The following CCDC141 variants were observed in gnomAD, a reference collection of about 807,000 sequenced individuals.
CCDC141 encodes the protein coiled-coil domain-containing protein 141.
Under a neutral mutation model 181.0 loss-of-function variants are expected in CCDC141, and 168 were observed. The ratio of observed to expected loss-of-function variants is 0.93; its 90% CI spans 0.82 to 1.05. CCDC141 has a LOEUF of 1.05. Among genes scored for constraint, CCDC141 ranks in the 50% least tolerant of loss-of-function variants. CCDC141 has a pLI of 0.00. For synonymous variants in CCDC141, 666 were observed against 642.3 expected (o/e 1.04, Z -0.56); for missense variants, 1,902 against 1,788.5 (o/e 1.06, Z -1.14).
intron 5 of CCDC141, among the ~76,000 whole-genome samples, chr2:178,957,934 C>G (rs570599807): frequency 2.0e-5 from 3 of 152,210 alleles, no homozygotes; most frequent in African/African-American, 7.2e-5. Flanking sequence ...CCTTACTTTG[C>G]CCAGGGTTGT....
chr2:178,916,950 T>TG lies in CCDC141; in HGVS notation c.1092+1762_1092+1763insC, dbSNP rs993602533. ...CTCTTCTTCTTCTTCTTTTTTTTTT[T>TG]AAAAAAAAGGCTTTTGCAGGAGATA... On this transcript the variant is annotated intron_variant, in intron 7 of 23. Transcript: ENST00000443758. Among the ~76,000 whole-genome samples the TG allele has an allele frequency of 4.6e-4, 69 of 150,884 alleles. 2 individuals carry two copies. Among genetic ancestry groups the TG allele is most frequent in the African/African-American group, 1.5e-3 (63 of 41,144 alleles).
At chr2:179,049,728 G>T in intron 1 of CCDC141, 112 bp downstream of exon 1, 6 of 1,145,686 alleles carry the variant, frequency 5.2e-6, no homozygotes, top group Non-Finnish European at 7.5e-6. Context: ...AGTGCTTGCT[G>T]CGTTGTCTTC....
At chr2:178,922,325 G>A (rs1052262391) in intron 6 of CCDC141, among the ~76,000 whole-genome samples, 1 of 152,194 alleles carries the variant, frequency 6.6e-6, no homozygotes, top group African/African-American at 2.4e-5. Context: ...TGCCCAAGAT[G>A]TCAACATTAG....
intron 8 of CCDC141, among the ~76,000 whole-genome samples, chr2:178,902,220 A>T (rs182883054): frequency 5.9e-5 from 9 of 152,342 alleles, no homozygotes; most frequent in Admixed American, 2.0e-4. Flanking sequence ...CCATCAAGCT[A>T]CCAATGACTT....
chr2:178,900,156 A>T (rs1162825133), intron 8 of CCDC141, among the ~76,000 whole-genome samples: 2 of 152,220 alleles, frequency 1.3e-5, no homozygotes, highest in East Asian at 3.8e-4. Context: ...CAATGTTGAC[A>T]GAAACCATAT....
chr2:179,002,814 C>G (rs2042023183), intron 2 of CCDC141: 1 of 153,234 alleles, frequency 6.5e-6, no homozygotes, highest in African/African-American at 2.4e-5. Flanking sequence ...ACTACACTCC[C>G]CAGAAAGAAG....
At chr2:179,036,539 A>G (rs1206415514) in intron 2 of CCDC141, among the ~76,000 whole-genome samples, 2 of 152,228 alleles carry the variant, frequency 1.3e-5, no homozygotes, top group African/African-American at 4.8e-5. Flanking sequence ...TGAACCAGGG[A>G]AAGAAACACT....
At chr2:178,913,677 A>G (rs1688317138) in intron 7 of CCDC141, among the ~76,000 whole-genome samples, 2 of 152,224 alleles carry the variant, frequency 1.3e-5, no homozygotes, top group Admixed American at 1.3e-4. Flanking sequence ...TTCAATAGCT[A>G]TGGCAGAAAC....
intron 6 of CCDC141, among the ~76,000 whole-genome samples, chr2:178,927,107 T>C (rs1237656133): frequency 6.6e-6 from 1 of 152,194 alleles, no homozygotes; most frequent in Non-Finnish European, 1.5e-5. Context: ...AGAAATCACT[T>C]GTCTTCTAAC....
chr2:178,837,800 T>G (rs1259355221), intron 22 of CCDC141, 56 bp from the exon 23 acceptor site: 2 of 1,538,332 alleles, frequency 1.3e-6, no homozygotes, highest in African/African-American at 2.8e-5. Flanking sequence ...TTTTCCAGTT[T>G]CAATTACAGT....
intron 17 of CCDC141, among the ~76,000 whole-genome samples, chr2:178,865,079 G>C (rs965006875): frequency 6.6e-6 from 1 of 152,198 alleles, no homozygotes; most frequent in Non-Finnish European, 1.5e-5. Flanking sequence ...TTGTGATTTA[G>C]TGAATATCTA....
chr2:178,860,766 G>T (rs567974295), intron 17 of CCDC141, among the ~76,000 whole-genome samples: 2 of 151,652 alleles, frequency 1.3e-5, no homozygotes, highest in African/African-American at 4.8e-5. Flanking sequence ...AGCCGCTAGC[G>T]GCTGAAAGTG....
At chr2:179,043,254 C>T (rs1432630879) in intron 2 of CCDC141, among the ~76,000 whole-genome samples, 1 of 152,100 alleles carries the variant, frequency 6.6e-6, no homozygotes, top group Admixed American at 6.5e-5. Flanking sequence ...AAAAAAAGCC[C>T]AGGACCAGGT....
intron 2 of CCDC141, among the ~76,000 whole-genome samples, chr2:178,993,799 G>A (rs1179951041): frequency 1.3e-5 from 2 of 152,058 alleles, no homozygotes; most frequent in Non-Finnish European, 2.9e-5. Flanking sequence ...TACAGGCATT[G>A]GGTTAAATAC....
At chr2:179,013,156 A>T (rs190137868) in intron 2 of CCDC141, among the ~76,000 whole-genome samples, 1 of 152,248 alleles carries the variant, frequency 6.6e-6, no homozygotes, top group African/African-American at 2.4e-5. Flanking sequence ...CATCCAAATC[A>T]GTAAAGAGGA....
In CCDC141 at chr2:179,041,491, GTTTTTTTTTTTTT is replaced by G. The variant is rs35229059; in HGVS notation, c.225+5780_225+5792del. On this transcript the variant is annotated intron_variant, in intron 2 of 23. Transcript: ENST00000443758. Reference sequence around the variant, plus strand: ...TATTATTTAATCGGGTTGGTTGTGGGTTTTTTTTTTTTTTTTTTTTTTTTTGCCAAATAACCAG... The same window carrying G: ...TATTATTTAATCGGGTTGGTTGTGGGTTTTTTTTTTTTGCCAAATAACCAG... Among the ~76,000 whole-genome samples, 446 of 58,962 alleles carry G rather than the reference GTTTTTTTTTTTTT, an allele frequency of 7.6e-3. 1 individual carries two copies. Among genetic ancestry groups the G allele is most frequent in the Middle Eastern group, 0.033 (2 of 60 alleles). 38.7% of individuals were successfully genotyped at this position (58,962 alleles called of 152,430 possible).
chr2:178,847,136 A>T (rs1442484830), intron 21 of CCDC141, among the ~76,000 whole-genome samples: 1 of 152,128 alleles, frequency 6.6e-6, no homozygotes, highest in African/African-American at 2.4e-5. Context: ...ACATCCACCC[A>T]AATTAAACAT....
At chr2:178,946,987 A>T (rs1324297835) in intron 5 of CCDC141, among the ~76,000 whole-genome samples, 1 of 152,234 alleles carries the variant, frequency 6.6e-6, no homozygotes, top group Non-Finnish European at 1.5e-5. Flanking sequence ...AGAAGTAAGT[A>T]GATCATCAGG....
intron 6 of CCDC141, among the ~76,000 whole-genome samples, chr2:178,925,623 A>T (rs2154375367): frequency 6.6e-6 from 1 of 152,294 alleles, no homozygotes; most frequent in South Asian, 2.1e-4. Context: ...TTTCTTCTTT[A>T]GTGTCTTGTC....
Sources: allele counts gnomAD v4.1 joint callset (sites outside exome capture counted in the v4.1 genomes callset), GRCh38; gene constraint gnomAD v4.1.1; transcripts MANE v1.5; gene names NCBI Gene and HGNC (gene_info 2026-07-23, HGNC 2026-07-21).